STRN: variants seen among roughly 807,000 people sequenced by gnomAD.
STRN encodes striatin, also known as protein phosphatase 2 regulatory subunit B'''alpha.
A neutral mutation model predicts 96.3 loss-of-function variants in STRN; 53 were observed. The ratio of observed to expected loss-of-function variants is 0.55; its 90% confidence interval spans 0.44 to 0.69. The LOEUF is 0.69. Among genes scored for constraint, STRN ranks in the 30% least tolerant of loss-of-function variants. The pLI is 0.00. For missense variants in STRN, 987 were observed against 963.9 expected (o/e 1.02, Z -0.32); for synonymous variants, 428 against 355.9 (o/e 1.20, Z -2.28).
chr2:36,854,750 A>G (rs1200430338), intron 15 of STRN, among the ~76,000 whole-genome samples: 1 of 152,174 alleles, frequency 6.6e-6, no homozygotes. Context: ...CATAACCTGA[A>G]AAAGCACTTA....
At chr2:36,871,149 A>C (rs1237812304) in intron 10 of STRN, among the ~76,000 whole-genome samples, 1 of 152,198 alleles carries the variant, frequency 6.6e-6, no homozygotes, top group Non-Finnish European at 1.5e-5. Flanking sequence ...AGTCTAATTT[A>C]TTACTGAAGA....
intron 1 of STRN, among the ~76,000 whole-genome samples, chr2:36,945,160 A>AT (rs1332880988): frequency 6.6e-6 from 1 of 152,216 alleles, no homozygotes; most frequent in Non-Finnish European, 1.5e-5. Flanking sequence ...GATTTTTATA[A>AT]ATAAAAAACG....
rs182362891 is a variant in STRN at position 36,906,285 on chromosome 2, G to A, written c.413-667C>T. On this transcript the variant is annotated intron_variant, in intron 3 of 17. Transcript: ENST00000263918. ...TTGAGACCAGCCTGGGCAACATGGA[G>A]TAAACCCTGTCTCTACAAAAAAAAT... 1.5e-4 allele frequency among the ~76,000 whole-genome samples: 22 copies of A among 151,518 alleles called. No individual in the cohort carries two copies. The East Asian group carries it at 4.1e-3, about 29-fold the overall frequency.
At chr2:36,946,202 A>G (rs1670977186) in intron 1 of STRN, among the ~76,000 whole-genome samples, 1 of 150,334 alleles carries the variant, frequency 6.7e-6, no homozygotes. Context: ...AAATACTAGA[A>G]AAAGAGAGGT....
At chr2:36,885,057 A>G (rs957522084) in intron 8 of STRN, among the ~76,000 whole-genome samples, 26 of 151,920 alleles carry the variant, frequency 1.7e-4, no homozygotes, top group Non-Finnish European at 3.1e-4. Context: ...CACCATACTA[A>G]AAAAAAACCA....
intron 3 of STRN, among the ~76,000 whole-genome samples, chr2:36,909,303 G>A (rs1006233205): frequency 6.6e-6 from 1 of 151,920 alleles, no homozygotes; most frequent in Non-Finnish European, 1.5e-5. Flanking sequence ...GCCTTGTCAA[G>A]TTCAAAAAGT....
chr2:36,909,869 G>T (rs931893252), intron 3 of STRN, among the ~76,000 whole-genome samples: 1 of 150,940 alleles, frequency 6.6e-6, no homozygotes, highest in Non-Finnish European at 1.5e-5. Flanking sequence ...TAATGCCTAT[G>T]AGCAAAATAA....
At chr2:36,954,623 A>C (rs1262032695) in intron 1 of STRN, among the ~76,000 whole-genome samples, 1 of 151,860 alleles carries the variant, frequency 6.6e-6, no homozygotes, top group Non-Finnish European at 1.5e-5. Context: ...ATTTAAGGAA[A>C]TGAGAGAACC....
rs1668090414 is a variant in STRN, at chr2:36,846,823, C to T, written c.*2633G>A. The T allele has an allele frequency of 1.3e-5, 2 of 152,026 alleles. No homozygotes were observed. Among genetic ancestry groups the T allele is most frequent in the Admixed American group, 1.3e-4 (2 of 15,236 alleles). 9.4% of individuals were successfully genotyped at this position (152,026 alleles called of 1,614,324 possible). On this transcript the variant is annotated 3_prime_UTR_variant, in exon 18 of 18. Transcript: ENST00000263918. ...CAGTTGAGTTTTGAGAAGGGTGCTG[C>T]AAGCTCCCAGAGATGTATCCACAGC...
intron 1 of STRN, among the ~76,000 whole-genome samples, chr2:36,933,649 G>C (rs752752192): frequency 2.2e-4 from 34 of 152,214 alleles, no homozygotes; most frequent in Admixed American, 8.5e-4. Context: ...TTTGAGACAG[G>C]GTTGGAGTGC....
At chr2:36,888,631 T>A (rs1398711698) in intron 7 of STRN, among the ~76,000 whole-genome samples, 2 of 117,052 alleles carry the variant, frequency 1.7e-5, no homozygotes, top group African/African-American at 5.9e-5. Context: ...CATGGGTTTT[T>A]AATTTATATG....
At chr2:36,957,481 C>A (rs539592696) in intron 1 of STRN, among the ~76,000 whole-genome samples, 1 of 151,832 alleles carries the variant, frequency 6.6e-6, no homozygotes, top group African/African-American at 2.4e-5. Context: ...CCAGCCACTC[C>A]GGAGGCTGAG....
intron 12 of STRN, among the ~76,000 whole-genome samples, chr2:36,865,837 G>C (rs1668607979): frequency 6.6e-6 from 1 of 152,060 alleles, no homozygotes; most frequent in Non-Finnish European, 1.5e-5. Flanking sequence ...TGGAATTACA[G>C]GTGTGAGCCA....
At chr2:36,925,499 G>A (rs948906763) in intron 1 of STRN, among the ~76,000 whole-genome samples, 8 of 151,968 alleles carry the variant, frequency 5.3e-5, no homozygotes, top group African/African-American at 1.2e-4. Context: ...TAATATTGCC[G>A]GATGCGGTGG....
intron 12 of STRN, among the ~76,000 whole-genome samples, chr2:36,866,171 C>A (rs1356356275): frequency 6.6e-6 from 1 of 152,014 alleles, no homozygotes; most frequent in Non-Finnish European, 1.5e-5. Flanking sequence ...ACCTCCCGGG[C>A]TCAATTCATC....
At chr2:36,956,389 G>A (rs1664888183) in intron 1 of STRN, among the ~76,000 whole-genome samples, 1 of 152,178 alleles carries the variant, frequency 6.6e-6, no homozygotes, top group Admixed American at 6.5e-5. Flanking sequence ...AAATGAAAGT[G>A]ATAGAGATGT....
rs1322274191 is a variant in STRN, at chr2:36,843,035, G to A, written c.*6421C>T. Among the ~76,000 whole-genome samples, 9 of 152,244 alleles carry A rather than the reference G, an allele frequency of 5.9e-5. No individual in the cohort carries two copies. Among genetic ancestry groups the A allele is most frequent in the African/African-American group, 2.2e-4 (9 of 41,552 alleles). ...CCTGGCAATCTTAGGCTGACCCCAG[G>A]AGGTTCATCAATCCGTGAATAATTT... is the stretch of plus-strand genomic sequence containing the variant. On this transcript the variant is annotated 3_prime_UTR_variant, in exon 18 of 18. Transcript: ENST00000263918.
At chr2:36,874,551 T>C (rs1021414882) in intron 10 of STRN, among the ~76,000 whole-genome samples, 1 of 151,444 alleles carries the variant, frequency 6.6e-6, no homozygotes, top group African/African-American at 2.4e-5. Context: ...ATTTAAGAAC[T>C]TCAAGAAACT....
chr2:36,917,173 T>C (rs76380228), intron 2 of STRN, among the ~76,000 whole-genome samples: 4,553 of 152,058 alleles, frequency 0.03, 105 homozygotes, highest in East Asian at 0.13. Context: ...TGAAAGTTTT[T>C]TTTTTCTTTA....
Sources: gnomAD v4.1 joint callset for allele counts (sites outside exome capture counted in the v4.1 genomes callset) on GRCh38, gnomAD v4.1.1 for gene constraint, MANE v1.5 for transcripts, NCBI Gene and HGNC (gene_info 2026-07-23, HGNC 2026-07-21) for gene names.